Variants in HABP4 observed in about 807,000 individuals in gnomAD.
The protein encoded by HABP4 is hyaluronan binding protein 4, also known as intracellular hyaluronan-binding protein 4.
A neutral mutation model predicts 44.1 loss-of-function variants in HABP4; 32 were observed. The observed-to-expected ratio is 0.73, with a 90% CI of 0.55 to 0.97. HABP4 has a LOEUF of 0.97. HABP4 is among the 50% of genes least tolerant of loss of function. The pLI, the probability that HABP4 is intolerant of heterozygous loss-of-function variation, is 0.00. For missense variants in HABP4, 503 were observed against 561.9 expected, an observed-to-expected ratio of 0.90 and a Z score of 1.06; for synonymous variants, 216 against 218.0, an observed-to-expected ratio of 0.99 and a Z score of 0.08.
rs1833091731 is a variant in HABP4, at chr9:96,491,275, ACT to A, written c.*1238_*1239del. 1 of 152,252 alleles carries A rather than the reference ACT, an allele frequency of 6.6e-6. No individual in the cohort carries two copies. The highest frequency in any genetic ancestry group is 1.5e-5 in the Non-Finnish European group (1 of 68,068). The allele number at this position is 152,252 out of a possible 1,614,324, so 9.4% of individuals were successfully genotyped here. A position where few individuals can be genotyped will look rare whatever the true frequency, so the allele number is the denominator to read the frequency against. On this transcript the variant is annotated 3_prime_UTR_variant, in exon 8 of 8. Coordinates refer to ENST00000375249, the MANE Select transcript of HABP4 (RefSeq NM_014282.4). ...TCTGTGCTTTTTCCCACTTTGCCAC[ACT>A]GTCTAAGGTGGCTTTGAACTGGAAC...
chr9:96,473,047 T>C (rs2131142038), intron 5 of HABP4, among the ~76,000 whole-genome samples: 1 of 152,390 alleles, frequency 6.6e-6, no homozygotes, highest in African/African-American at 2.4e-5. Context: ...TTTAAAATGT[T>C]AAGTTCTTCA....
chr9:96,460,728 C>T (rs2131123397), intron 2 of HABP4, among the ~76,000 whole-genome samples: 1 of 152,250 alleles, frequency 6.6e-6, no homozygotes, highest in Non-Finnish European at 1.5e-5. Flanking sequence ...TTGAGTTTTT[C>T]TGATGTTTCC....
At chr9:96,477,553 T>C (rs186214287) in intron 5 of HABP4, among the ~76,000 whole-genome samples, 2 of 152,216 alleles carry the variant, frequency 1.3e-5, no homozygotes, top group African/African-American at 4.8e-5. Flanking sequence ...AAATTTTTTT[T>C]AATATACTTG....
intron 1 of HABP4, among the ~76,000 whole-genome samples, chr9:96,453,051 G>A (rs1832314527): frequency 7.0e-6 from 1 of 143,372 alleles, no homozygotes; most frequent in South Asian, 2.3e-4. Context: ...CTCCTTAGTA[G>A]CTGGCATTAC....
intron 2 of HABP4, among the ~76,000 whole-genome samples, chr9:96,463,100 A>G (rs886092442): frequency 6.6e-6 from 1 of 150,944 alleles, no homozygotes; most frequent in Non-Finnish European, 1.5e-5. Flanking sequence ...ATGCACCACT[A>G]TGCCTGGCTA....
At chr9:96,451,600 C>A (rs1476059680) in intron 1 of HABP4, 6 of 316,686 alleles carry the variant, frequency 1.9e-5, no homozygotes, top group African/African-American at 1.1e-4. Context: ...TTGTGCATCG[C>A]AGCCCTGAGG....
rs565312545 is a variant in HABP4, at chr9:96,465,202, G to A, written c.513-135G>A. On this transcript the variant is annotated intron_variant, in intron 2 of 7. Coordinates refer to ENST00000375249, the MANE Select transcript of HABP4 (RefSeq NM_014282.4). ...TAGTCTATAGTATGCGCTCACTAAA[G>A]GTTAACTATTAATTTGTGATTCAAG... The A allele has an allele frequency of 5.9e-6, 4 of 673,986 alleles. No homozygotes were observed. The African/African-American group carries it at 7.2e-5, about 12-fold the overall frequency. 41.8% of individuals were successfully genotyped at this position (673,986 alleles called of 1,614,324 possible).
intron 5 of HABP4, among the ~76,000 whole-genome samples, chr9:96,477,811 C>T (rs1832805841): frequency 6.6e-6 from 1 of 152,160 alleles, no homozygotes; most frequent in African/African-American, 2.4e-5. Context: ...AAATCATGAG[C>T]ATAGCCATCG....
intron 1 of HABP4, among the ~76,000 whole-genome samples, chr9:96,457,577 A>G (rs920980671): frequency 1.3e-5 from 2 of 152,202 alleles, no homozygotes; most frequent in Admixed American, 6.5e-5. Flanking sequence ...CTTTAAAAAC[A>G]AAAACCTTGG....
At chr9:96,460,369 CCTTT>C (rs1431225720) in intron 2 of HABP4, among the ~76,000 whole-genome samples, 1 of 152,090 alleles carries the variant, frequency 6.6e-6, no homozygotes, top group Non-Finnish European at 1.5e-5. Flanking sequence ...CACCACACAG[CCTTT>C]CTTTGTTATT....
intron 6 of HABP4, among the ~76,000 whole-genome samples, chr9:96,485,913 G>A (rs1245401312): frequency 1.3e-5 from 2 of 152,116 alleles, no homozygotes; most frequent in African/African-American, 4.8e-5. Flanking sequence ...TTCTGAGTGA[G>A]TACTTTGATT....
rs534891641 is a variant in HABP4 at position 96,457,272 on chromosome 9, C to T, written c.350-1107C>T. Among the ~76,000 whole-genome samples the T allele has an allele frequency of 2.3e-4, 35 of 151,988 alleles. 1 individual carries two copies. The South Asian group carries it at 6.4e-3, about 28-fold the overall frequency. ...TCCCAGCTAATCTCTACCCGGGAGG[C>T]GGAGGTTGCAGTGAGCCGAGATCGG... On this transcript the variant is annotated intron_variant, in intron 1 of 7. Coordinates refer to ENST00000375249, the MANE Select transcript of HABP4 (RefSeq NM_014282.4).
At chr9:96,474,088 A>T (rs953736692) in intron 5 of HABP4, among the ~76,000 whole-genome samples, 4 of 152,220 alleles carry the variant, frequency 2.6e-5, no homozygotes, top group Admixed American at 6.5e-5. Flanking sequence ...CTAGTGCTTT[A>T]TCAGTATCTG....
At chr9:96,464,091 C>T (rs1468170345) in intron 2 of HABP4, among the ~76,000 whole-genome samples, 2 of 152,152 alleles carry the variant, frequency 1.3e-5, no homozygotes, top group Non-Finnish European at 2.9e-5. Flanking sequence ...GTCCTGGGTC[C>T]AGGCTCTGAT....
At chr9:96,474,745 G>A (rs1401552631) in intron 5 of HABP4, among the ~76,000 whole-genome samples, 4 of 152,048 alleles carry the variant, frequency 2.6e-5, no homozygotes, top group Non-Finnish European at 4.4e-5. Flanking sequence ...GAAATACATT[G>A]AGTGATAGCG....
intron 5 of HABP4, chr9:96,483,189 GT>G (rs1162430705): frequency 6.7e-6 from 1 of 149,022 alleles, no homozygotes; most frequent in East Asian, 1.9e-4. Flanking sequence ...ATCCCACTGG[GT>G]GTGGACTGGT....
chr9:96,484,908 C>A (rs1299027464), intron 6 of HABP4, among the ~76,000 whole-genome samples: 1 of 152,194 alleles, frequency 6.6e-6, no homozygotes, highest in East Asian at 1.9e-4. Context: ...TGTGTATTAA[C>A]TGTATTTCAT....
chr9:96,450,695 C>G lies in HABP4; in HGVS notation c.349+67C>G, dbSNP rs988779987. ...GCTGTGAGACTGGGGTCCCGGGGGC[C>G]GGTTTCAGGAGGAGGGGCCCGGGAA... On this transcript the variant is annotated intron_variant, in intron 1 of 7. Transcript: ENST00000375249. The surrounding 1 kb of genome is among the most constrained non-coding windows in gnomAD (Gnocchi z 4.8). The G allele has an allele frequency of 1.7e-6, 2 of 1,191,300 alleles. No homozygotes were observed. Among genetic ancestry groups the G allele is most frequent in the Non-Finnish European group, 2.1e-6 (2 of 954,598 alleles). The allele number at this position is 1,191,300 out of a possible 1,614,324, so 73.8% of individuals were successfully genotyped here.
chr9:96,451,417 G>A (rs543955965), intron 1 of HABP4: 3 of 956,456 alleles, frequency 3.1e-6, no homozygotes, highest in East Asian at 2.3e-4. Flanking sequence ...ACCGAACTGC[G>A]TCAGTGGCAG....
Sources: allele counts gnomAD v4.1 joint callset (sites outside exome capture counted in the v4.1 genomes callset), GRCh38; gene constraint gnomAD v4.1.1; non-coding constraint Gnocchi (gnomAD v3.1); transcripts MANE v1.5; gene names NCBI Gene and HGNC (gene_info 2026-07-23, HGNC 2026-07-21).